Variants in SH3TC2 observed in about 807,000 individuals in gnomAD.
SH3TC2 encodes SH3 domain and tetratricopeptide repeats 2.
SH3TC2 carries 87 observed loss-of-function variants against 124.5 expected under a neutral mutation model. The ratio of observed to expected loss-of-function variants is 0.70; its 90% confidence interval spans 0.59 to 0.84. The LOEUF (loss-of-function observed/expected upper bound fraction) is 0.84. Among genes scored for constraint, SH3TC2 ranks in the 40% least tolerant of loss-of-function variants. The pLI is 0.00. For synonymous variants in SH3TC2, 634 were observed against 628.5 expected, an observed-to-expected ratio of 1.01 and a Z score of -0.13; for missense variants, 1,536 against 1,566.4, an observed-to-expected ratio of 0.98 and a Z score of 0.33.
rs534282709 is a variant in SH3TC2, at chr5:148,990,788, A to G, written c.*13923T>C. Among the ~76,000 whole-genome samples the G allele has an allele frequency of 5.3e-5, 8 of 152,348 alleles. No homozygotes were observed. Among genetic ancestry groups the G allele is most frequent in the Non-Finnish European group, 1.0e-4 (7 of 68,034 alleles). Reference sequence around the variant, plus strand: ...ATAGAGTATACAGGATACAAAATATAATAGCAATTATATATTAAATATTTG... The same window carrying G: ...ATAGAGTATACAGGATACAAAATATGATAGCAATTATATATTAAATATTTG... On this transcript the variant is annotated 3_prime_UTR_variant, in exon 17 of 17. Coordinates refer to ENST00000515425, the MANE Select transcript of SH3TC2 (RefSeq NM_024577.4).
chr5:149,059,985 C>T (rs974969452), intron 1 of SH3TC2, among the ~76,000 whole-genome samples: 1 of 152,130 alleles, frequency 6.6e-6, no homozygotes, highest in East Asian at 1.9e-4. Context: ...GTTTTAAATG[C>T]TTTACAAGTC....
At chr5:149,012,113 C>G (rs924276504) in intron 13 of SH3TC2, among the ~76,000 whole-genome samples, 2 of 152,184 alleles carry the variant, frequency 1.3e-5, no homozygotes, top group Admixed American at 1.3e-4. Context: ...TTTCTCTCTT[C>G]AAAGCCCAGG....
rs1554121674 is a variant in SH3TC2, at chr5:149,027,773, C to A, written c.1959G>T (p.Leu653=). The A allele has an allele frequency of 6.2e-7, 1 of 1,613,976 alleles. No homozygotes were observed. Among genetic ancestry groups the A allele is most frequent in the Non-Finnish European group, 8.5e-7 (1 of 1,179,984 alleles). The change falls in exon 11 of 17, where the codon CTG becomes CTT. Residue 653 remains leucine, a synonymous_variant. Transcript: ENST00000515425. ...GGAGCTGCAGGCGCTCGGCAAAGGG[C>A]AGGACCTCCTCGTGCCGGCCTAGGC... ...LLSLGRHEEV[L]PFAERLQLLS...
intron 1 of SH3TC2, among the ~76,000 whole-genome samples, chr5:149,056,086 C>T (rs1444694289): frequency 8.6e-5 from 13 of 152,010 alleles, no homozygotes; most frequent in Non-Finnish European, 1.5e-4. Flanking sequence ...CTCTTAAAGC[C>T]TTTACTGACC....
In SH3TC2 at chr5:148,987,806, A is replaced by C. The variant is rs886060105; in HGVS notation, c.*16905T>G. Among the ~76,000 whole-genome samples the C allele has an allele frequency of 8.2e-6, 1 of 121,610 alleles. No homozygotes were observed. Among genetic ancestry groups the C allele is most frequent in the East Asian group, 2.2e-4 (1 of 4,446 alleles). The allele number at this position is 121,610 out of a possible 152,430, so 79.8% of individuals were successfully genotyped here. The stretch of plus-strand genomic sequence containing the variant: ...TGTCCTCACTCGAGGCCTCATTCAA[A>C]ATCTGTGTGTGTGTGTGTGTGTGTG... On this transcript the variant is annotated 3_prime_UTR_variant, in exon 17 of 17. Transcript: ENST00000515425.
chr5:149,021,847 T>G (rs1753975100), intron 12 of SH3TC2, among the ~76,000 whole-genome samples: 2 of 147,074 alleles, frequency 1.4e-5, no homozygotes, highest in African/African-American at 4.9e-5. Flanking sequence ...ATCAAATGTT[T>G]AAAGGAGAAT....
intron 1 of SH3TC2, among the ~76,000 whole-genome samples, chr5:149,062,654 G>C (rs906517132): frequency 1.3e-5 from 2 of 152,172 alleles, no homozygotes; most frequent in Non-Finnish European, 2.9e-5. Context: ...CTGTCCTGGG[G>C]GGATCTCGGG....
rs372557880 is a variant in SH3TC2, at chr5:148,982,884, A to G, written c.*21827T>C. ...TTTAAAATAAAAAATGAGCTGTTTTAACACCAGTGGACCTTGTGAAAGATA... is the reference window on the plus strand; with the variant it reads ...TTTAAAATAAAAAATGAGCTGTTTTGACACCAGTGGACCTTGTGAAAGATA... On this transcript the variant is annotated 3_prime_UTR_variant, in exon 17 of 17. Transcript: ENST00000515425. Among the ~76,000 whole-genome samples the G allele has an allele frequency of 2.6e-5, 4 of 152,378 alleles. No homozygotes were observed. The South Asian group carries it at 8.3e-4, about 32-fold the overall frequency.
intron 1 of SH3TC2, among the ~76,000 whole-genome samples, chr5:149,057,190 T>C (rs1378643413): frequency 6.6e-6 from 1 of 152,226 alleles, no homozygotes; most frequent in Non-Finnish European, 1.5e-5. Context: ...AAATTCCAGC[T>C]TTGTCAATTG....
intron 1 of SH3TC2, among the ~76,000 whole-genome samples, chr5:149,052,924 C>T (rs1306915451): frequency 6.6e-6 from 1 of 152,198 alleles, no homozygotes; most frequent in Non-Finnish European, 1.5e-5. Flanking sequence ...ATGTCAAAAA[C>T]ATTGCTGTAG....
chr5:149,042,174 A>C (rs1754382346), intron 5 of SH3TC2, among the ~76,000 whole-genome samples: 1 of 152,204 alleles, frequency 6.6e-6, no homozygotes, highest in South Asian at 2.1e-4. Flanking sequence ...CATAGTTGTT[A>C]ATTGGTAGAT....
At position 149,003,779 on chromosome 5, in the gene SH3TC2, A is replaced by G. The variant is rs886060186; in HGVS notation, c.*932T>C. On this transcript the variant is annotated 3_prime_UTR_variant, in exon 17 of 17. Coordinates refer to ENST00000515425, the MANE Select transcript of SH3TC2 (RefSeq NM_024577.4). Reference sequence around the variant, plus strand: ...CACTGGAGGATCACTTGAGCCCCGGAGTCTGAGGTCGCAGGAAGCCCTGAC... The same window carrying G: ...CACTGGAGGATCACTTGAGCCCCGGGGTCTGAGGTCGCAGGAAGCCCTGAC... The G allele has an allele frequency of 4.5e-6, 2 of 442,824 alleles. No individual in the cohort carries two copies. Among genetic ancestry groups the G allele is most frequent in the Admixed American group, 2.4e-5 (1 of 41,030 alleles). The allele number at this position is 442,824 out of a possible 1,614,324, so 27.4% of individuals were successfully genotyped here.
At position 148,986,689 on chromosome 5, in the gene SH3TC2, C is replaced by T. The variant is rs748018709; in HGVS notation, c.*18022G>A. Among the ~76,000 whole-genome samples, 1 of 152,152 alleles carries T rather than the reference C, an allele frequency of 6.6e-6. No individual in the cohort carries two copies. The highest frequency in any genetic ancestry group is 1.5e-5 in the Non-Finnish European group (1 of 68,030). ...CCTTTTTTGACAAATTATTAAGCCA[C>T]TTGTTAGGGTGACTTGTAGGCATCA... On this transcript the variant is annotated 3_prime_UTR_variant, in exon 17 of 17. Transcript: ENST00000515425.
chr5:149,017,127 A>G (rs1295229191), intron 12 of SH3TC2, among the ~76,000 whole-genome samples: 1 of 152,018 alleles, frequency 6.6e-6, no homozygotes, highest in Non-Finnish European at 1.5e-5. Context: ...TTATACGTTT[A>G]TTTTCTGTAC....
chr5:149,042,660 T>C lies in SH3TC2; in HGVS notation c.529+34A>G, dbSNP rs544858652. 34 of 1,613,538 alleles carry C rather than the reference T, an allele frequency of 2.1e-5. 1 individual carries two copies. The South Asian group carries it at 3.4e-4, about 16-fold the overall frequency. ...TGGCCTCTGGTAGCAAATATCTGAA[T>C]AAGATCCCATCTCTACCCCTATGCC... is the stretch of plus-strand genomic sequence containing the variant. On this transcript the variant is annotated intron_variant, in intron 5 of 16. Coordinates refer to ENST00000515425, the MANE Select transcript of SH3TC2 (RefSeq NM_024577.4).
chr5:148,991,515 G>A lies in SH3TC2; in HGVS notation c.*13196C>T, dbSNP rs1753419181. 6.6e-6 allele frequency among the ~76,000 whole-genome samples: 1 copy of A among 152,174 alleles called. No individual in the cohort carries two copies. Among genetic ancestry groups the A allele is most frequent in the Non-Finnish European group, 1.5e-5 (1 of 68,040 alleles). On this transcript the variant is annotated 3_prime_UTR_variant, in exon 17 of 17. Coordinates refer to ENST00000515425, the MANE Select transcript of SH3TC2 (RefSeq NM_024577.4). ...TGAGTGGGCTTCCACCTTAGCTTTTGCTTTCTGTCAGATAATACAGTGGTT... is the reference window on the plus strand; with the variant it reads ...TGAGTGGGCTTCCACCTTAGCTTTTACTTTCTGTCAGATAATACAGTGGTT...
intron 1 of SH3TC2, among the ~76,000 whole-genome samples, chr5:149,053,822 C>A (rs1277126265): frequency 6.6e-6 from 1 of 151,294 alleles, no homozygotes; most frequent in Non-Finnish European, 1.5e-5. Flanking sequence ...TGCTTCATCC[C>A]AGCTAAAAAA....
chr5:148,996,972 C>T lies in SH3TC2; in HGVS notation c.*7739G>A, dbSNP rs1393076700. The stretch of plus-strand genomic sequence containing the variant: ...TTAGGGAAGTAGATAATTAAGCATT[C>T]CTGAATACTAAGTGAGTAAAAAAAG... On this transcript the variant is annotated 3_prime_UTR_variant, in exon 17 of 17. Transcript: ENST00000515425. Among the ~76,000 whole-genome samples the T allele has an allele frequency of 1.3e-5, 2 of 152,144 alleles. No individual in the cohort carries two copies. The highest frequency in any genetic ancestry group is 2.9e-5 in the Non-Finnish European group (2 of 68,042).
Position 148,994,291 on chromosome 5 carries a change from TATGTG to T in SH3TC2, c.*10415_*10419del, listed in dbSNP as rs1753467856. On this transcript the variant is annotated 3_prime_UTR_variant, in exon 17 of 17. Coordinates refer to ENST00000515425, the MANE Select transcript of SH3TC2 (RefSeq NM_024577.4). ...TTTGAACTCATTTCTTCACATGTGT[TATGTG>T]AATAACTATACAATGCAATTACTTC... 6.6e-6 allele frequency among the ~76,000 whole-genome samples: 1 copy of T among 152,236 alleles called. No homozygotes were observed. The highest frequency in any genetic ancestry group is 1.5e-5 in the Non-Finnish European group (1 of 68,044).
Sources: gnomAD v4.1 joint callset for allele counts (sites outside exome capture counted in the v4.1 genomes callset) on GRCh38, gnomAD v4.1.1 for gene constraint, MANE v1.5 for transcripts, NCBI Gene and HGNC (gene_info 2026-07-23, HGNC 2026-07-21) for gene names.